Variants in TENM3 observed in about 807,000 individuals in gnomAD.
The protein encoded by TENM3 is teneurin-3.
Under a neutral mutation model 255.1 loss-of-function variants are expected in TENM3, and 63 were observed. The observed-to-expected ratio is 0.25, with a 90% CI of 0.20 to 0.30. The LOEUF (loss-of-function observed/expected upper bound fraction) is 0.30, where lower values mean the gene tolerates loss of function less well. Among genes scored for constraint, TENM3 ranks in the 10% least tolerant of loss-of-function variants. The probability of loss-of-function intolerance (pLI) is 1.00; values close to 1 mark genes in which losing one functional copy is unlikely to be tolerated. For missense variants in TENM3, 2,929 were observed against 3,461.1 expected, an observed-to-expected ratio of 0.85 and a Z score of 3.86; for synonymous variants, 1,306 against 1,322.3, an observed-to-expected ratio of 0.99 and a Z score of 0.27.
chr4:181,648,508 T>C, the TENM3 span, among the ~76,000 whole-genome samples: 19 of 152,218 alleles, frequency 1.2e-4, no homozygotes, highest in South Asian at 6.2e-4. Flanking sequence ...TTTTGTGCTA[T>C]GAAAACTCTC....
the TENM3 span, among the ~76,000 whole-genome samples, chr4:182,040,494 A>G: frequency 6.6e-6 from 1 of 152,060 alleles, no homozygotes; most frequent in Non-Finnish European, 1.5e-5. Flanking sequence ...TCCTGGGAAA[A>G]TCATGGAAAC....
chr4:182,066,142 G>A, the TENM3 span, among the ~76,000 whole-genome samples: 2 of 152,128 alleles, frequency 1.3e-5, no homozygotes, highest in South Asian at 2.1e-4. Context: ...ATTTCTCTAC[G>A]TCCACACCAA....
At chr4:182,609,004 A>G (rs1349633455) in intron 4 of TENM3, among the ~76,000 whole-genome samples, 1 of 149,700 alleles carries the variant, frequency 6.7e-6, no homozygotes, top group African/African-American at 2.6e-5. Flanking sequence ...GGCTGGAGGG[A>G]CTGGAGGGTA....
At chr4:182,203,555 C>G (rs950526703) in intron 1 of TENM3, among the ~76,000 whole-genome samples, 9 of 152,154 alleles carry the variant, frequency 5.9e-5, no homozygotes, top group African/African-American at 1.4e-4. Context: ...TTTCTGGGGC[C>G]AAGAGTTTAA....
At chr4:182,125,836 G>A in the TENM3 span, among the ~76,000 whole-genome samples, 3 of 150,568 alleles carry the variant, frequency 2.0e-5, no homozygotes, top group Non-Finnish European at 4.4e-5. Flanking sequence ...AGTCCATAGG[G>A]GCCAAAAATA....
the TENM3 span, among the ~76,000 whole-genome samples, chr4:181,868,908 C>A: frequency 6.6e-6 from 1 of 151,948 alleles, no homozygotes; most frequent in Non-Finnish European, 1.5e-5. Flanking sequence ...TTGATTCCTG[C>A]TAATTTTTAG....
chr4:182,486,300 T>A (rs1734699751), intron 3 of TENM3, among the ~76,000 whole-genome samples: 1 of 116,228 alleles, frequency 8.6e-6, no homozygotes, highest in Non-Finnish European at 2.1e-5. Context: ...TCTTAAGAAG[T>A]ATTTTAATTG....
At chr4:182,036,928 G>A in the TENM3 span, among the ~76,000 whole-genome samples, 1 of 151,672 alleles carries the variant, frequency 6.6e-6, no homozygotes, top group African/African-American at 2.4e-5. Context: ...GTGTATTTTT[G>A]CCAGCTTATT....
the TENM3 span, among the ~76,000 whole-genome samples, chr4:181,776,740 A>G: frequency 6.6e-6 from 1 of 152,068 alleles, no homozygotes; most frequent in African/African-American, 2.4e-5. Flanking sequence ...ATGTCTATTC[A>G]AGTCCCTTGC....
At chr4:182,489,294 AT>A (rs1735052744) in intron 3 of TENM3, among the ~76,000 whole-genome samples, 1 of 152,150 alleles carries the variant, frequency 6.6e-6, no homozygotes, top group South Asian at 2.1e-4. Context: ...TTCTTCTCTA[AT>A]TTTTTATGTA....
chr4:181,903,208 TA>T, the TENM3 span, among the ~76,000 whole-genome samples: 655 of 150,078 alleles, frequency 4.4e-3, 5 homozygotes, highest in African/African-American at 0.015. Flanking sequence ...ATTTCTGATT[TA>T]AAAAAAAAAC....
the TENM3 span, among the ~76,000 whole-genome samples, chr4:181,668,371 C>A: frequency 5.3e-5 from 8 of 152,098 alleles, no homozygotes; most frequent in Admixed American, 4.6e-4. Flanking sequence ...GATGCCATAG[C>A]AAAATGTCAC....
chr4:182,695,183 G>A (rs1757307455), intron 12 of TENM3, among the ~76,000 whole-genome samples: 1 of 152,164 alleles, frequency 6.6e-6, no homozygotes, highest in Non-Finnish European at 1.5e-5. Context: ...CTTCACATCA[G>A]TCAGTGGTTG....
chr4:181,522,471 G>C, the TENM3 span, among the ~76,000 whole-genome samples: 1 of 152,118 alleles, frequency 6.6e-6, no homozygotes, highest in Admixed American at 6.5e-5. Flanking sequence ...CTTGCTTTTA[G>C]AAATGGTGAT....
At chr4:182,522,768 G>A (rs909678331) in intron 3 of TENM3, among the ~76,000 whole-genome samples, 1 of 152,126 alleles carries the variant, frequency 6.6e-6, no homozygotes, top group Non-Finnish European at 1.5e-5. Context: ...TGTAGTACAC[G>A]TGGGAGTACA....
chr4:182,110,473 C>T, the TENM3 span, among the ~76,000 whole-genome samples: 1 of 151,988 alleles, frequency 6.6e-6, no homozygotes, highest in Admixed American at 6.6e-5. Context: ...CACTGGCATG[C>T]ACCAGCTCAC....
At chr4:182,186,642 G>A (rs987451325) in intron 1 of TENM3, among the ~76,000 whole-genome samples, 10 of 150,600 alleles carry the variant, frequency 6.6e-5, no homozygotes, top group African/African-American at 2.4e-4. Context: ...TTCTGGATCA[G>A]TACTGATCAC....
chr4:182,569,849 G>T (rs1055107501), intron 3 of TENM3, among the ~76,000 whole-genome samples: 2 of 150,002 alleles, frequency 1.3e-5, no homozygotes, highest in Admixed American at 6.7e-5. Flanking sequence ...GGAGTCTAGG[G>T]CATTCATGTC....
intron 3 of TENM3, chr4:182,448,880 C>T (rs1773178155): frequency 1.4e-5 from 3 of 214,566 alleles, no homozygotes; most frequent in South Asian, 5.2e-5. Flanking sequence ...GCGGCGGTGG[C>T]GGCCCGGCGC....
Sources: allele counts gnomAD v4.1 joint callset (sites outside exome capture counted in the v4.1 genomes callset), GRCh38; gene constraint gnomAD v4.1.1; transcripts MANE v1.5; gene names NCBI Gene and HGNC (gene_info 2026-07-23, HGNC 2026-07-21).